COL11A2: variants seen among roughly 807,000 people sequenced by gnomAD.
COL11A2 encodes collagen alpha-2(XI) chain.
In COL11A2, 116 loss-of-function variants were observed where a neutral mutation model predicts 273.4. The observed-to-expected ratio is 0.42, with a 90% CI of 0.36 to 0.49. COL11A2 has a LOEUF of 0.49. Among genes scored for constraint, COL11A2 ranks in the 20% least tolerant of loss-of-function variants. COL11A2 has a pLI of 0.00. For missense variants in COL11A2, 1,866 were observed against 2,309.0 expected (o/e 0.81, Z 3.93); for synonymous variants, 782 against 864.2 (o/e 0.90, Z 1.67).
chr6:33,181,752 C>G (rs1020559053), intron 8 of COL11A2, among the ~76,000 whole-genome samples: 2 of 151,990 alleles, frequency 1.3e-5, no homozygotes, highest in Non-Finnish European at 2.9e-5. Context: ...TCCTAAAGTG[C>G]TGGAATTACA....
In COL11A2 at chr6:33,178,456, G is replaced by A. The variant is rs1201945183; in HGVS notation, c.1752C>T (p.Pro584=). 3 of 1,612,966 alleles carry A rather than the reference G, an allele frequency of 1.9e-6. No individual in the cohort carries two copies. Among genetic ancestry groups the A allele is most frequent in the African/African-American group, 1.3e-5 (1 of 74,990 alleles). Residue 584 remains proline (P), a synonymous_variant, in exon 19 of 66, where the codon CCC becomes CCT. Transcript: ENST00000341947. The surrounding 1 kb of genome is among the most constrained non-coding windows in gnomAD (Gnocchi z 4.6). ...GDTGAQGLPG[P]PGEDGERGDD... ...TTACCCTCTCTCCATCCTCACCAGG[G>A]GGACCAGGAAGGCCCTGGGCACCAG...
Position 33,179,599 on chromosome 6 carries a change from C to T in COL11A2, c.1447-112G>A. 34 of 1,445,922 alleles carry T rather than the reference C, an allele frequency of 2.4e-5. No individual in the cohort carries two copies. The highest frequency in any genetic ancestry group is 3.1e-5 in the Non-Finnish European group (33 of 1,051,792). The allele number at this position is 1,445,922 out of a possible 1,614,324, so 89.6% of individuals were successfully genotyped here. A position where few individuals can be genotyped will look rare whatever the true frequency, so the allele number is the denominator to read the frequency against. ...TGATCCTCATCCACTGCCCAGGATT[C>T]TCCCCAACCTCCCTGTTAACCCCAA... On this transcript the variant is annotated intron_variant, in intron 13 of 65. Transcript: ENST00000341947. The surrounding 1 kb of genome is among the most constrained non-coding windows in gnomAD (Gnocchi z 6.4).
In COL11A2 at chr6:33,168,547, T is replaced by G; in HGVS notation, c.3932A>C (p.Asn1311Thr). 1.2e-6 allele frequency: 2 copies of G among 1,613,636 alleles called. No homozygotes were observed. The highest frequency in any genetic ancestry group is 1.1e-5 in the South Asian group (1 of 91,082). Residue 1311 changes from asparagine to threonine, a missense_variant, in exon 54 of 66, where the codon AAT (asparagine) becomes ACT (threonine). Coordinates refer to ENST00000341947, the MANE Select transcript of COL11A2 (RefSeq NM_080680.3). The stretch of plus-strand genomic sequence containing the variant: ...CTTTCCAAGTGGCCCTGGGGGTCCA[T>G]TCTCCCCGGTGGGACCAGGGGATCC... ...QPGSPGPTGENGPPGPLGKRG... is the reference protein window; with the variant it reads ...QPGSPGPTGETGPPGPLGKRG...
rs751137640 is a variant in COL11A2 at position 33,179,505 on chromosome 6, C to G, written c.1447-18G>C. 2.6e-6 allele frequency: 4 copies of G among 1,553,912 alleles called. No individual in the cohort carries two copies. The highest frequency in any genetic ancestry group is 3.5e-6 in the Non-Finnish European group (4 of 1,147,644). Reference sequence around the variant, plus strand: ...AGCGCCAGCTAGGGGAGCAGGGGGACAGCAGAGCTGAGGGACAGGCAGTGG... The same window carrying G: ...AGCGCCAGCTAGGGGAGCAGGGGGAGAGCAGAGCTGAGGGACAGGCAGTGG... On this transcript the variant is annotated intron_variant, in intron 13 of 65. Transcript: ENST00000341947. This position sits in a 1 kb window ranked among gnomAD's most constrained non-coding sequence, Gnocchi z 6.4.
rs1184743579 is a variant in COL11A2 at position 33,178,056 on chromosome 6, G to C, written c.1872+76C>G. On this transcript the variant is annotated intron_variant, in intron 21 of 65. Transcript: ENST00000341947. The surrounding 1 kb of genome is among the most constrained non-coding windows in gnomAD (Gnocchi z 4.6). ...GCATGCCGAGAGAGGAGAGGGAGCA[G>C]GAAGGCAGCTAGAAAGGTGGAGAGT... 1 of 1,438,362 alleles carries C rather than the reference G, an allele frequency of 7.0e-7. No individual in the cohort carries two copies. Among genetic ancestry groups the C allele is most frequent in the Non-Finnish European group, 9.6e-7 (1 of 1,038,994 alleles). The allele number at this position is 1,438,362 out of a possible 1,614,324, so 89.1% of individuals were successfully genotyped here.
At position 33,170,121 on chromosome 6, in the gene COL11A2, G is replaced by T. The variant is rs765649979; in HGVS notation, c.3583-21C>A. 4 of 1,612,984 alleles carry T rather than the reference G, an allele frequency of 2.5e-6. No individual in the cohort carries two copies. The highest frequency in any genetic ancestry group is 3.4e-6 in the Non-Finnish European group (4 of 1,180,000). ...GGGCCCTGGAAGAGGAACAGAAATA[G>T]GTGTCATTGCTTAGGATGGAGGTGC... On this transcript the variant is annotated intron_variant, in intron 48 of 65. Transcript: ENST00000341947. The surrounding 1 kb of genome is among the most constrained non-coding windows in gnomAD (Gnocchi z 4.3).
At chr6:33,183,466 A>G (rs1032952425) in intron 8 of COL11A2, among the ~76,000 whole-genome samples, 4 of 152,262 alleles carry the variant, frequency 2.6e-5, no homozygotes, top group Non-Finnish European at 5.9e-5. Context: ...CATCAAGGCT[A>G]GGACACACAG....
chr6:33,173,677 A>C lies in COL11A2; in HGVS notation c.2628+24T>G. 2 of 1,561,584 alleles carry C rather than the reference A, an allele frequency of 1.3e-6. No individual in the cohort carries two copies. The highest frequency in any genetic ancestry group is 8.7e-7 in the Non-Finnish European group (1 of 1,151,452). On this transcript the variant is annotated intron_variant, in intron 35 of 65. Transcript: ENST00000341947. The surrounding 1 kb of genome is among the most constrained non-coding windows in gnomAD (Gnocchi z 6.3). ...CAGGCTCCCTGGGGACCTCAGGGGA[A>C]GGGGACTTTCGATCCACACTCACCC...
chr6:33,164,363 T>G lies in COL11A2; in HGVS notation c.4974A>C (p.Ala1658=). The change falls in exon 65 of 66, where the codon GCA becomes GCC. Residue 1658 remains alanine, a synonymous_variant. Transcript: ENST00000341947. This position sits in a 1 kb window ranked among gnomAD's most constrained non-coding sequence, Gnocchi z 4.7. ...GGAGTCTCAGGGGACCGTCACGGGC[T>G]GCTCCAGAGCAGGGGTAGGAGACGT... ...HQDVSYPCSG[A]ARDGPLRLRG... is the part of the protein sequence containing the mutation. 6.2e-7 allele frequency: 1 copy of G among 1,612,574 alleles called. No individual in the cohort carries two copies. The highest frequency in any genetic ancestry group is 8.5e-7 in the Non-Finnish European group (1 of 1,179,818).
Position 33,167,551 on chromosome 6 carries a change from A to T in COL11A2, c.4015-18T>A, listed in dbSNP as rs769652523. 1.2e-5 allele frequency: 20 copies of T among 1,610,304 alleles called. No homozygotes were observed. The highest frequency in any genetic ancestry group is 2.7e-5 in the African/African-American group (2 of 74,866). On this transcript the variant is annotated intron_variant, in intron 55 of 65. Transcript: ENST00000341947. The surrounding 1 kb of genome is among the most constrained non-coding windows in gnomAD (Gnocchi z 6.1). ...GGATCTCCCTGAAACACACACAAGGAATGTGTCCTGAATGGCAGAGGAGTG... is the reference window on the plus strand; with the variant it reads ...GGATCTCCCTGAAACACACACAAGGTATGTGTCCTGAATGGCAGAGGAGTG...
rs1769928383 is a variant in COL11A2, at chr6:33,170,787, C to T, written c.3474+23G>A. ...CCCCATCCTGACCCCACCTCTCAGC[C>T]CCTGTCCTATCCCCCAACACACCTG... On this transcript the variant is annotated intron_variant, in intron 46 of 65. Coordinates refer to ENST00000341947, the MANE Select transcript of COL11A2 (RefSeq NM_080680.3). The surrounding 1 kb of genome is among the most constrained non-coding windows in gnomAD (Gnocchi z 4.3). The T allele has an allele frequency of 6.2e-7, 1 of 1,610,518 alleles. No individual in the cohort carries two copies. Among genetic ancestry groups the T allele is most frequent in the Non-Finnish European group, 8.5e-7 (1 of 1,177,964 alleles).
Position 33,177,619 on chromosome 6 carries a change from CG to C in COL11A2, c.1917+42del. The C allele has an allele frequency of 6.2e-7, 1 of 1,611,004 alleles. No individual in the cohort carries two copies. On this transcript the variant is annotated intron_variant, in intron 22 of 65. Transcript: ENST00000341947. This position sits in a 1 kb window ranked among gnomAD's most constrained non-coding sequence, Gnocchi z 5.9. ...GCCAACAGGATGCTGGCAGGGACCT[CG>C]GGGGATAAGAATGGGGGTGGGATCT...
Position 33,189,191 on chromosome 6 carries a change from A to G in COL11A2, c.233-3T>C, listed in dbSNP as rs1051565263. The G allele has an allele frequency of 1.9e-6, 3 of 1,613,620 alleles. No individual in the cohort carries two copies. Among genetic ancestry groups the G allele is most frequent in the Middle Eastern group, 1.6e-4 (1 of 6,084 alleles). On this transcript the variant is annotated splice_region_variant and splice_polypyrimidine_tract_variant and intron_variant, in intron 2 of 65. Transcript: ENST00000341947. The surrounding 1 kb of genome is among the most constrained non-coding windows in gnomAD (Gnocchi z 5.6). ...AGAGAAATCTTTGGGAAATCCTCCT[A>G]GTAACCGAGAGAGATACACACAGAG...
chr6:33,185,506 G>A (rs1772295342), intron 6 of COL11A2, among the ~76,000 whole-genome samples, 195 bp downstream of exon 6: 1 of 152,038 alleles, frequency 6.6e-6, no homozygotes, highest in Non-Finnish European at 1.5e-5. Flanking sequence ...TAGGGGAAGG[G>A]GGAGGCCTGT....
In COL11A2 at chr6:33,167,568, A is replaced by T; in HGVS notation, c.4015-35T>A. 6.2e-7 allele frequency: 1 copy of T among 1,609,420 alleles called. No individual in the cohort carries two copies. Among genetic ancestry groups the T allele is most frequent in the Non-Finnish European group, 8.5e-7 (1 of 1,177,764 alleles). ...ACACAAGGAATGTGTCCTGAATGGC[A>T]GAGGAGTGGGGTGTGGGCAGGGGGC... On this transcript the variant is annotated intron_variant, in intron 55 of 65. Transcript: ENST00000341947. This position sits in a 1 kb window ranked among gnomAD's most constrained non-coding sequence, Gnocchi z 6.1.
chr6:33,174,518 T>C lies in COL11A2; in HGVS notation c.2430+9A>G. On this transcript the variant is annotated intron_variant, in intron 31 of 65. Transcript: ENST00000341947. ...GAGGAGGAGGGGCACGTATGGGGCA[T>C]GGCATCACCTTGGGTCCCTGACGTC... 6.8e-6 allele frequency: 11 copies of C among 1,612,416 alleles called. No individual in the cohort carries two copies. The highest frequency in any genetic ancestry group is 9.3e-6 in the Non-Finnish European group (11 of 1,179,868).
At chr6:33,168,424 G>A in intron 54 of COL11A2, 95 bp downstream of exon 54, 1 of 1,367,132 alleles carries the variant, frequency 7.3e-7, no homozygotes, top group Non-Finnish European at 1.0e-6. Flanking sequence ...GCAGACACCA[G>A]GCACCTCCCC....
In COL11A2 at chr6:33,168,979, G is replaced by A; in HGVS notation, c.3828C>T (p.Gly1276=). The A allele has an allele frequency of 2.5e-6, 4 of 1,609,728 alleles. No individual in the cohort carries two copies. The highest frequency in any genetic ancestry group is 1.1e-5 in the South Asian group (1 of 90,686). ...PGPVGFPGDP[G]PPGEGGPRGQ... ...CCCGAGGGCCACCTTCTCCAGGGGGGCCAGGGTCACCAGGAAAACCAACAG... is the reference window on the plus strand; with the variant it reads ...CCCGAGGGCCACCTTCTCCAGGGGGACCAGGGTCACCAGGAAAACCAACAG... The change falls in exon 52 of 66, where the codon GGC becomes GGT. Residue 1276 remains glycine (G), a synonymous_variant. Transcript: ENST00000341947.
intron 4 of COL11A2, among the ~76,000 whole-genome samples, chr6:33,188,013 T>A (rs537643108): frequency 6.6e-6 from 1 of 151,610 alleles, no homozygotes; most frequent in East Asian, 1.9e-4. Flanking sequence ...GATGCATAGA[T>A]GAGTAAATAG....
Sources: gnomAD v4.1 joint callset for allele counts (sites outside exome capture counted in the v4.1 genomes callset) on GRCh38, gnomAD v4.1.1 for gene constraint, Gnocchi (gnomAD v3.1) non-coding constraint, MANE v1.5 for transcripts, NCBI Gene and HGNC (gene_info 2026-07-23, HGNC 2026-07-21) for gene names.